DIAPH3: variants seen among roughly 807,000 people sequenced by gnomAD.
The protein encoded by DIAPH3 is diaphanous related formin 3, also known as protein diaphanous homolog 3.
In DIAPH3, 117 loss-of-function variants were observed where a neutral mutation model predicts 144.3. The observed-to-expected ratio is 0.81, with a 90% confidence interval of 0.70 to 0.95. DIAPH3 has a LOEUF of 0.95. Among genes scored for constraint, DIAPH3 ranks in the 40% least tolerant of loss-of-function variants. The pLI is 0.00. For synonymous variants in DIAPH3, 519 were observed against 488.9 expected (o/e 1.06, Z -0.81); for missense variants, 1,421 against 1,412.7 (o/e 1.01, Z -0.09).
intron 4 of DIAPH3, among the ~76,000 whole-genome samples, chr13:60,047,013 A>T (rs1397809648): frequency 6.6e-6 from 1 of 152,166 alleles, no homozygotes; most frequent in Non-Finnish European, 1.5e-5. Context: ...ATTAGGACAA[A>T]TACCTAATGT....
chr13:60,097,621 T>A (rs1341216315), intron 3 of DIAPH3, among the ~76,000 whole-genome samples: 1 of 152,206 alleles, frequency 6.6e-6, no homozygotes, highest in Non-Finnish European at 1.5e-5. Context: ...AAAAATGGAC[T>A]AAGACAACAA....
At chr13:59,973,438 T>A (rs939031386) in intron 15 of DIAPH3, among the ~76,000 whole-genome samples, 3 of 151,412 alleles carry the variant, frequency 2.0e-5, no homozygotes, top group East Asian at 1.9e-4. Context: ...AAAAAAAAAA[T>A]TCAATAAAAT....
At chr13:59,802,773 G>C (rs341535) in intron 25 of DIAPH3, among the ~76,000 whole-genome samples, 95,092 of 139,666 alleles carry the variant, frequency 0.68, 32,591 homozygotes, top group Admixed American at 0.76. Context: ...GCTCCGCTTC[G>C]CGGGTTCACG....
At chr13:60,019,507 T>A (rs1032751380) in intron 5 of DIAPH3, among the ~76,000 whole-genome samples, 1 of 152,004 alleles carries the variant, frequency 6.6e-6, no homozygotes, top group African/African-American at 2.4e-5. Context: ...TCTAATTGCT[T>A]CAAGGAAAAC....
rs148129159 is a variant in DIAPH3, at chr13:59,698,142, T to G, written c.3320-31296A>C. 4.5e-3 allele frequency among the ~76,000 whole-genome samples: 693 copies of G among 152,318 alleles called. 1 individual carries two copies. The highest frequency in any genetic ancestry group is 0.016 in the African/African-American group (653 of 41,574). The stretch of plus-strand genomic sequence containing the variant: ...TTCAACCACTAAAATATGGACAGCA[T>G]CCTTTCAATGATCTGTCTTCTCTCT... On this transcript the variant is annotated intron_variant, in intron 27 of 27. Transcript: ENST00000400324.
intron 27 of DIAPH3, among the ~76,000 whole-genome samples, chr13:59,684,625 A>C (rs2033118958): frequency 6.6e-6 from 1 of 152,166 alleles, no homozygotes; most frequent in East Asian, 1.9e-4. Context: ...ACTCATCACA[A>C]ATCTTGAAAG....
intron 25 of DIAPH3, among the ~76,000 whole-genome samples, chr13:59,779,071 T>G (rs2038584962): frequency 6.6e-6 from 1 of 152,260 alleles, no homozygotes. Context: ...TAAAGGCAAC[T>G]GCCTGTGATT....
intron 2 of DIAPH3, among the ~76,000 whole-genome samples, chr13:60,131,742 C>G (rs1306586728): frequency 1.3e-5 from 2 of 152,158 alleles, no homozygotes; most frequent in Non-Finnish European, 2.9e-5. Flanking sequence ...TTCTTCTGAA[C>G]AGATCAAAGC....
chr13:59,881,082 T>C (rs2045004937), intron 20 of DIAPH3, among the ~76,000 whole-genome samples: 1 of 151,856 alleles, frequency 6.6e-6, no homozygotes. Flanking sequence ...TATTATAATG[T>C]TGATTCTTAT....
intron 17 of DIAPH3, among the ~76,000 whole-genome samples, chr13:59,961,890 G>A (rs1437455128): frequency 1.4e-4 from 21 of 152,048 alleles, no homozygotes; most frequent in Admixed American, 1.4e-3. Flanking sequence ...TCAATAATAT[G>A]TTGTTTTATT....
At chr13:60,018,295 C>T (rs2053792292) in intron 5 of DIAPH3, among the ~76,000 whole-genome samples, 2 of 152,038 alleles carry the variant, frequency 1.3e-5, no homozygotes. Flanking sequence ...CTGCCTCACA[C>T]CAAAATAGGC....
chr13:60,032,263 C>T (rs1350552423), intron 5 of DIAPH3, among the ~76,000 whole-genome samples: 1 of 152,208 alleles, frequency 6.6e-6, no homozygotes, highest in Middle Eastern at 3.4e-3. Context: ...GAGCACTGAC[C>T]CTCTTCTCAC....
At chr13:59,742,518 A>G (rs931261973) in intron 27 of DIAPH3, among the ~76,000 whole-genome samples, 1 of 151,440 alleles carries the variant, frequency 6.6e-6, no homozygotes, top group African/African-American at 2.4e-5. Context: ...ATGAGTAGTA[A>G]TCTAAAAGGG....
chr13:60,102,615 A>G (rs1359743027), intron 3 of DIAPH3, among the ~76,000 whole-genome samples: 1 of 152,204 alleles, frequency 6.6e-6, no homozygotes, highest in Middle Eastern at 3.2e-3. Flanking sequence ...GAATCTTCAG[A>G]TAACAGTTAC....
chr13:59,798,746 GC>G (rs1801563110), intron 25 of DIAPH3, among the ~76,000 whole-genome samples: 1 of 152,192 alleles, frequency 6.6e-6, no homozygotes, highest in African/African-American at 2.4e-5. Flanking sequence ...CAGAAAAGAT[GC>G]CCCCATCTGG....
At chr13:59,685,239 C>T (rs967475495) in intron 27 of DIAPH3, among the ~76,000 whole-genome samples, 2 of 152,036 alleles carry the variant, frequency 1.3e-5, no homozygotes, top group African/African-American at 4.8e-5. Flanking sequence ...CTACTCTTAC[C>T]TTCAAATATC....
intron 17 of DIAPH3, among the ~76,000 whole-genome samples, chr13:59,943,849 TA>T (rs1369714765): frequency 6.6e-6 from 1 of 152,148 alleles, no homozygotes; most frequent in East Asian, 1.9e-4. Context: ...TGGCCTCAAT[TA>T]TTTGAGGTCT....
chr13:59,875,006 T>C (rs2044525310), intron 21 of DIAPH3, among the ~76,000 whole-genome samples: 1 of 152,148 alleles, frequency 6.6e-6, no homozygotes, highest in Non-Finnish European at 1.5e-5. Flanking sequence ...TAATATGGTG[T>C]TGAACTTTGA....
intron 1 of DIAPH3, among the ~76,000 whole-genome samples, chr13:60,134,974 C>T (rs923548609): frequency 1.3e-5 from 2 of 151,950 alleles, no homozygotes; most frequent in South Asian, 2.1e-4. Context: ...AAAATAAAGA[C>T]GACTAGGGTC....
Sources: allele counts gnomAD v4.1 joint callset (sites outside exome capture counted in the v4.1 genomes callset), GRCh38; gene constraint gnomAD v4.1.1; transcripts MANE v1.5; gene names NCBI Gene and HGNC (gene_info 2026-07-23, HGNC 2026-07-21).